Variants in RERE observed in about 807,000 individuals in gnomAD.
RERE encodes the protein arginine-glutamic acid dipeptide repeats, also known as arginine-glutamic acid dipeptide repeats protein.
A neutral mutation model predicts 146.1 loss-of-function variants in RERE; 40 were observed. The ratio of observed to expected loss-of-function variants is 0.27; its 90% confidence interval spans 0.21 to 0.36. The LOEUF (loss-of-function observed/expected upper bound fraction) is 0.36, where lower values mean the gene tolerates loss of function less well. RERE is among the 10% of genes least tolerant of loss of function. The probability of loss-of-function intolerance (pLI) is 1.00; values close to 1 mark genes in which losing one functional copy is unlikely to be tolerated. For synonymous variants in RERE, 1,003 were observed against 866.0 expected, an observed-to-expected ratio of 1.16 and a Z score of -2.78; for missense variants, 1,933 against 2,138.7, an observed-to-expected ratio of 0.90 and a Z score of 1.90.
In RERE at chr1:8,775,023, C is replaced by T. The variant is rs543164309; in HGVS notation, c.-145+42137G>A. Among the ~76,000 whole-genome samples, 19 of 132,152 alleles carry T rather than the reference C, an allele frequency of 1.4e-4. No individual in the cohort carries two copies. The South Asian group carries it at 4.5e-3, about 31-fold the overall frequency. 86.7% of individuals were successfully genotyped at this position (132,152 alleles called of 152,430 possible). ...GTCACCAGGCTGGAGTGCAGTGGTG[C>T]GATCTCAACTCACTGCAACCTCCAC... is the stretch of plus-strand genomic sequence containing the variant. On this transcript the variant is annotated intron_variant, in intron 1 of 22. Transcript: ENST00000400908.
chr1:8,609,281 G>C (rs1646761530), intron 4 of RERE, among the ~76,000 whole-genome samples: 1 of 152,048 alleles, frequency 6.6e-6, no homozygotes, highest in African/African-American at 2.4e-5. Context: ...AACTGCTCCA[G>C]GTGAAAGGAA....
intron 6 of RERE, among the ~76,000 whole-genome samples, chr1:8,545,709 A>G (rs982247703): frequency 1.4e-5 from 2 of 146,880 alleles, no homozygotes; most frequent in African/African-American, 2.5e-5. Context: ...TTTGAGACAG[A>G]GTCTCACTCT....
chr1:8,441,327 G>C (rs2124493531), intron 11 of RERE, among the ~76,000 whole-genome samples: 1 of 152,238 alleles, frequency 6.6e-6, no homozygotes, highest in East Asian at 1.9e-4. Flanking sequence ...GCCTGAGAAG[G>C]CACACGCTCC....
intron 1 of RERE, among the ~76,000 whole-genome samples, chr1:8,808,784 T>C (rs897094553): frequency 6.6e-6 from 1 of 152,152 alleles, no homozygotes; most frequent in African/African-American, 2.4e-5. Flanking sequence ...AACACAGATC[T>C]GCATCTCCAG....
intron 6 of RERE, among the ~76,000 whole-genome samples, chr1:8,554,306 ACT>A (rs1645977395): frequency 6.6e-6 from 1 of 152,184 alleles, no homozygotes; most frequent in Non-Finnish European, 1.5e-5. Context: ...TTCAACTGAA[ACT>A]CTAAATCGAT....
intron 12 of RERE, among the ~76,000 whole-genome samples, chr1:8,377,662 T>C (rs1349042443): frequency 1.3e-5 from 2 of 152,210 alleles, no homozygotes; most frequent in East Asian, 1.9e-4. Flanking sequence ...TTTCTATTTA[T>C]TGGCCTTTCA....
chr1:8,768,914 A>G (rs1433766220), intron 1 of RERE, among the ~76,000 whole-genome samples: 1 of 152,218 alleles, frequency 6.6e-6, no homozygotes, highest in African/African-American at 2.4e-5. Context: ...TCCTTAGGGG[A>G]AAAATGTTCA....
chr1:8,419,930 A>G (rs771327195), intron 12 of RERE, among the ~76,000 whole-genome samples: 33 of 152,214 alleles, frequency 2.2e-4, no homozygotes, highest in Non-Finnish European at 4.1e-4. Context: ...TTTACAGAAA[A>G]TAACTTCCCA....
intron 3 of RERE, among the ~76,000 whole-genome samples, chr1:8,618,840 T>C (rs1382901428): frequency 1.3e-5 from 2 of 152,196 alleles, no homozygotes; most frequent in East Asian, 1.9e-4. Flanking sequence ...AATCCATTTT[T>C]AAGAAAATAA....
intron 4 of RERE, among the ~76,000 whole-genome samples, chr1:8,602,976 A>C (rs1426936882): frequency 1.3e-5 from 2 of 152,230 alleles, no homozygotes; most frequent in Non-Finnish European, 2.9e-5. Flanking sequence ...CCCTTCTCTT[A>C]ATCTAGCTAA....
intron 12 of RERE, among the ~76,000 whole-genome samples, chr1:8,418,486 G>A (rs987693634): frequency 5.3e-5 from 8 of 152,154 alleles, no homozygotes; most frequent in African/African-American, 1.9e-4. Flanking sequence ...GACAAGCAAC[G>A]GCAGGTCACT....
intron 1 of RERE, among the ~76,000 whole-genome samples, chr1:8,781,815 T>TA (rs1448491307): frequency 5.3e-5 from 8 of 151,912 alleles, no homozygotes; most frequent in Non-Finnish European, 1.2e-4. Context: ...TGTAGTGATC[T>TA]AAATTACCAA....
intron 1 of RERE, among the ~76,000 whole-genome samples, chr1:8,743,881 C>T (rs1181680486): frequency 6.6e-6 from 1 of 152,100 alleles, no homozygotes; most frequent in African/African-American, 2.4e-5. Context: ...GCACTTTTCA[C>T]CATCAAATCT....
In RERE at chr1:8,356,045, A is replaced by T; in HGVS notation, c.4486+55T>A. ...GTAATGAATGAAGACAGCAGACCAGACCCCAACCCAACCCTCACACGGCCT... is the reference window on the plus strand; with the variant it reads ...GTAATGAATGAAGACAGCAGACCAGTCCCCAACCCAACCCTCACACGGCCT... On this transcript the variant is annotated intron_variant, in intron 21 of 22. Coordinates refer to ENST00000400908, the MANE Select transcript of RERE (RefSeq NM_001042681.2). This position sits in a 1 kb window ranked among gnomAD's most constrained non-coding sequence, Gnocchi z 5.2. 8 of 1,450,146 alleles carry T rather than the reference A, an allele frequency of 5.5e-6. No homozygotes were observed. Among genetic ancestry groups the T allele is most frequent in the Non-Finnish European group, 7.3e-6 (8 of 1,100,804 alleles). The allele number at this position is 1,450,146 out of a possible 1,614,324, so 89.8% of individuals were successfully genotyped here.
At chr1:8,566,313 G>A (rs576574658) in intron 4 of RERE, among the ~76,000 whole-genome samples, 10 of 152,146 alleles carry the variant, frequency 6.6e-5, no homozygotes, top group African/African-American at 2.2e-4. Flanking sequence ...GCAGGTAGAG[G>A]AAAAATAAAA....
At chr1:8,502,581 G>A (rs1645187815) in intron 8 of RERE, among the ~76,000 whole-genome samples, 1 of 148,422 alleles carries the variant, frequency 6.7e-6, no homozygotes, top group Non-Finnish European at 1.5e-5. Flanking sequence ...CCCCTTCTGG[G>A]AGGTGTGCCC....
chr1:8,638,220 C>A (rs1038899697), intron 2 of RERE, among the ~76,000 whole-genome samples: 1 of 152,084 alleles, frequency 6.6e-6, no homozygotes, highest in African/African-American at 2.4e-5. Flanking sequence ...AGAGGTCACT[C>A]CCTGAATAAC....
intron 12 of RERE, among the ~76,000 whole-genome samples, chr1:8,379,051 C>T (rs1404296337): frequency 2.6e-5 from 4 of 152,236 alleles, no homozygotes; most frequent in East Asian, 3.8e-4. Context: ...TCCCTCACGA[C>T]GGCTGCATTC....
chr1:8,637,404 G>A (rs1293423885), intron 2 of RERE, among the ~76,000 whole-genome samples: 3 of 152,118 alleles, frequency 2.0e-5, no homozygotes, highest in Non-Finnish European at 4.4e-5. Context: ...TTCTGTACAG[G>A]TTTGATCAGG....
Sources: allele counts gnomAD v4.1 joint callset (sites outside exome capture counted in the v4.1 genomes callset), GRCh38; gene constraint gnomAD v4.1.1; non-coding constraint Gnocchi (gnomAD v3.1); transcripts MANE v1.5; gene names NCBI Gene and HGNC (gene_info 2026-07-23, HGNC 2026-07-21).